The following OPA3 variants were observed in gnomAD, a reference collection of about 807,000 sequenced individuals.
OPA3 encodes the protein outer mitochondrial membrane lipid metabolism regulator OPA3, also known as optic atrophy 3 protein.
In OPA3, 6 loss-of-function variants were observed where a neutral mutation model predicts 4.0. The ratio of observed to expected loss-of-function variants is 1.51; its 90% CI spans 0.83 to 2.99. The LOEUF is 2.99. OPA3 is among the 30% of genes most tolerant of loss of function. The pLI, the probability that OPA3 is intolerant of heterozygous loss-of-function variation, is 0.00. For synonymous variants in OPA3, 105 were observed against 117.1 expected, an observed-to-expected ratio of 0.90 and a Z score of 0.67; for missense variants, 235 against 256.2, an observed-to-expected ratio of 0.92 and a Z score of 0.56.
chr19:45,574,458 T>C (rs1469702205), intron 1 of OPA3, among the ~76,000 whole-genome samples: 1 of 150,806 alleles, frequency 6.6e-6, no homozygotes, highest in Non-Finnish European at 1.5e-5. Flanking sequence ...TAGCCTGTAG[T>C]AGCAACCAGA....
At chr19:45,541,298 C>T (rs57499210), downstream of OPA3, among the ~76,000 whole-genome samples, 1,683 of 152,250 alleles carry the variant, frequency 0.011, 23 homozygotes, top group African/African-American at 0.034. Flanking sequence ...TCTAATCTGT[C>T]ACTTTTTATG....
At position 45,584,542 on chromosome 19, in the gene OPA3, A is replaced by G. The variant is rs113539314; in HGVS notation, c.142+81T>C. ...CGGTTCGGGCTGTGATTGGTCGTAGACAGAAGTCCATCCCCTAAGCAACCA... is the reference window on the plus strand; with the variant it reads ...CGGTTCGGGCTGTGATTGGTCGTAGGCAGAAGTCCATCCCCTAAGCAACCA... On this transcript the variant is annotated intron_variant, in intron 1 of 1. Transcript: ENST00000263275. 1.4e-3 allele frequency: 2,196 copies of G among 1,610,500 alleles called. 20 individuals carry two copies. In the African/African-American group the frequency reaches 0.022, roughly 16 times the overall value.
chr19:45,559,154 G>A (rs982532549), intron 1 of OPA3, among the ~76,000 whole-genome samples: 2 of 152,054 alleles, frequency 1.3e-5, no homozygotes, highest in African/African-American at 4.8e-5. Flanking sequence ...AAAGTACTGG[G>A]ACTACAGGTG....
At chr19:45,580,387 G>A (rs1600003688) in intron 1 of OPA3, among the ~76,000 whole-genome samples, 1 of 140,516 alleles carries the variant, frequency 7.1e-6, no homozygotes, top group African/African-American at 2.7e-5. Flanking sequence ...TCCACCTCCT[G>A]GGTTCAAGCG....
At chr19:45,583,574 T>G (rs1969887626) in intron 1 of OPA3, among the ~76,000 whole-genome samples, 1 of 152,154 alleles carries the variant, frequency 6.6e-6, no homozygotes, top group Non-Finnish European at 1.5e-5. Context: ...CAATCTAGGC[T>G]CACTGCAGCC....
intron 1 of OPA3, among the ~76,000 whole-genome samples, chr19:45,555,080 A>G (rs1185694738): frequency 6.6e-6 from 1 of 152,190 alleles, no homozygotes; most frequent in Non-Finnish European, 1.5e-5. Context: ...ATGAGCCACC[A>G]TGTCCATCCA....
chr19:45,557,513 A>C (rs1969439414), intron 1 of OPA3, among the ~76,000 whole-genome samples: 1 of 152,098 alleles, frequency 6.6e-6, no homozygotes, highest in Non-Finnish European at 1.5e-5. Flanking sequence ...CACTCAGCAC[A>C]TCCAAACCTG....
chr19:45,577,161 C>A (rs1362394058), intron 1 of OPA3, among the ~76,000 whole-genome samples: 1 of 152,218 alleles, frequency 6.6e-6, no homozygotes, highest in African/African-American at 2.4e-5. Flanking sequence ...TTAAAAAGAT[C>A]TTTGCCTCCC....
At chr19:45,542,067 G>C (rs1011206900), downstream of OPA3, among the ~76,000 whole-genome samples, 1 of 152,180 alleles carries the variant, frequency 6.6e-6, no homozygotes, top group African/African-American at 2.4e-5. Context: ...CCCAGCCAGG[G>C]ACTATAGTTA....
chr19:45,544,384 G>T (rs1246782099), downstream of OPA3, among the ~76,000 whole-genome samples: 1 of 152,256 alleles, frequency 6.6e-6, no homozygotes, highest in Non-Finnish European at 1.5e-5. Flanking sequence ...TGGGGGCGGG[G>T]CACGGTGGCT....
intron 1 of OPA3, among the ~76,000 whole-genome samples, chr19:45,538,050 G>A (rs1267116090): frequency 7.4e-6 from 1 of 135,486 alleles, no homozygotes; most frequent in Non-Finnish European, 1.5e-5. Flanking sequence ...GCAGTGAGCT[G>A]AGATGGTACC....
Position 45,549,310 on chromosome 19 carries a change from G to A in OPA3, c.*4204C>T, listed in dbSNP as rs1282862093. ...TCCACACACTCTGGCCACCCCTGAC[G>A]CCGCAGTGGGGGAAGTAGATGGCCC... On this transcript the variant is annotated 3_prime_UTR_variant, in exon 2 of 2. Coordinates refer to ENST00000263275, the MANE Select transcript of OPA3 (RefSeq NM_025136.4). The A allele has an allele frequency of 1.9e-5, 19 of 985,306 alleles. No individual in the cohort carries two copies. In the Admixed American group the frequency reaches 3.1e-4, roughly 16 times the overall value. 61.0% of individuals were successfully genotyped at this position (985,306 alleles called of 1,614,324 possible).
At chr19:45,573,675 A>C (rs1229903466) in intron 1 of OPA3, among the ~76,000 whole-genome samples, 1 of 152,128 alleles carries the variant, frequency 6.6e-6, no homozygotes, top group Non-Finnish European at 1.5e-5. Flanking sequence ...GCCGCGCTGC[A>C]AACAGTAAAC....
intron 1 of OPA3, among the ~76,000 whole-genome samples, chr19:45,533,269 A>G (rs1568395214): frequency 6.6e-6 from 1 of 150,760 alleles, no homozygotes; most frequent in Admixed American, 6.6e-5. Flanking sequence ...ATCTCTGCTC[A>G]CTGCAAGCTC....
chr19:45,543,415 G>C (rs1599954767), downstream of OPA3, among the ~76,000 whole-genome samples: 1 of 151,860 alleles, frequency 6.6e-6, no homozygotes, highest in East Asian at 1.9e-4. Flanking sequence ...CCAACTCCTG[G>C]GTTTAAGTGA....
At chr19:45,576,970 G>C (rs1346860284) in intron 1 of OPA3, among the ~76,000 whole-genome samples, 1 of 152,154 alleles carries the variant, frequency 6.6e-6, no homozygotes. Context: ...CCAGAAAAAG[G>C]ACCAGTGCGC....
chr19:45,556,350 C>T (rs1330755507), intron 1 of OPA3, among the ~76,000 whole-genome samples: 1 of 150,252 alleles, frequency 6.7e-6, no homozygotes, highest in East Asian at 1.9e-4. Context: ...TTGCCATATT[C>T]CATCTTATTT....
At chr19:45,572,694 C>CTA (rs1023687066) in intron 1 of OPA3, among the ~76,000 whole-genome samples, 1 of 131,554 alleles carries the variant, frequency 7.6e-6, no homozygotes, top group Non-Finnish European at 1.6e-5. Flanking sequence ...ATATATCATA[C>CTA]TATATATATG....
At position 45,550,154 on chromosome 19, in the gene OPA3, C is replaced by T. The variant is rs545764728; in HGVS notation, c.*3360G>A. The T allele has an allele frequency of 2.9e-3, 2,750 of 964,448 alleles. 5 individuals carry two copies. The highest frequency in any genetic ancestry group is 0.01 in the South Asian group (213 of 20,834). The allele number at this position is 964,448 out of a possible 1,614,324, so 59.7% of individuals were successfully genotyped here. A position where few individuals can be genotyped will look rare whatever the true frequency, so the allele number is the denominator to read the frequency against. On this transcript the variant is annotated 3_prime_UTR_variant, in exon 2 of 2. Transcript: ENST00000263275. The stretch of plus-strand genomic sequence containing the variant: ...TCAGGGTGACGGAGCTAGACTGTCT[C>T]CGAAAGAAAAGAAAAGAAAAAAGAA...
Sources: allele counts gnomAD v4.1 joint callset (sites outside exome capture counted in the v4.1 genomes callset), GRCh38; gene constraint gnomAD v4.1.1; transcripts MANE v1.5; gene names NCBI Gene and HGNC (gene_info 2026-07-23, HGNC 2026-07-21).